Variants in ISG20 observed in about 807,000 individuals in gnomAD.
ISG20 encodes the protein interferon-stimulated gene 20 kDa protein.
ISG20 carries 8 observed loss-of-function variants against 11.1 expected under a neutral mutation model. That is an observed-to-expected ratio of 0.72 (90% CI 0.42 to 1.30). The LOEUF (loss-of-function observed/expected upper bound fraction) is 1.30. Ranked by LOEUF, ISG20 falls within the 50% of genes most tolerant of loss-of-function variation. The pLI is 0.01. For missense variants in ISG20, 243 were observed against 250.2 expected (o/e 0.97, Z 0.19); for synonymous variants, 110 against 101.7 (o/e 1.08, Z -0.49).
chr15:88,637,294 T>C (rs1288770503), upstream of ISG20: 2 of 150,862 alleles, frequency 1.3e-5, no homozygotes, highest in Admixed American at 6.6e-5. Context: ...GGTGGACTGA[T>C]GGAAGAGGGT....
At position 88,650,586 on chromosome 15, in the gene ISG20, G is replaced by A; in HGVS notation, c.229-1524G>A. ...TTTCGCTCGGCCACCTGCAGTTTGG[G>A]CAGGTGCTCTGCAGCAGGACAGGCC... On this transcript the variant is annotated intron_variant, in intron 2 of 3. Coordinates refer to ENST00000306072, the MANE Select transcript of ISG20 (RefSeq NM_002201.6). This position sits in a 1 kb window ranked among gnomAD's most constrained non-coding sequence, Gnocchi z 4.0. 1 of 681,684 alleles carries A rather than the reference G, an allele frequency of 1.5e-6. No individual in the cohort carries two copies. Among genetic ancestry groups the A allele is most frequent in the Non-Finnish European group, 2.2e-6 (1 of 464,098 alleles). 42.2% of individuals were successfully genotyped at this position (681,684 alleles called of 1,614,324 possible).
At chr15:88,644,464 G>A (rs748392343) in intron 2 of ISG20, among the ~76,000 whole-genome samples, 52 of 151,286 alleles carry the variant, frequency 3.4e-4, no homozygotes, top group Admixed American at 1.6e-3. Context: ...CCCGGGAGGC[G>A]GAGGTTGCTG....
At chr15:88,642,582 A>C (rs946590487) in intron 2 of ISG20, among the ~76,000 whole-genome samples, 1 of 152,084 alleles carries the variant, frequency 6.6e-6, no homozygotes, top group Non-Finnish European at 1.5e-5. Context: ...GCTGGTTTGA[A>C]CTGAGATGTG....
rs777388209 is a variant in ISG20 at position 88,639,530 on chromosome 15, G to A, written c.164G>A (p.Arg55Gln). 2.9e-5 allele frequency: 47 copies of A among 1,614,044 alleles called. No individual in the cohort carries two copies. In the Admixed American group the frequency reaches 3.3e-4, roughly 11 times the overall value. ...GGAGAGATCACCGATTACAGAACCCGGGTCAGCGGGGTCACCCCTCAGCAC... is the reference window on the plus strand; with the variant it reads ...GGAGAGATCACCGATTACAGAACCCAGGTCAGCGGGGTCACCCCTCAGCAC... ...PEGEITDYRT[R>Q]VSGVTPQHMV... The change falls in exon 2 of 4, where the codon CGG (arginine) becomes CAG (glutamine). Residue 55 changes from arginine to glutamine, a missense_variant. Coordinates refer to ENST00000306072, the MANE Select transcript of ISG20 (RefSeq NM_002201.6). This position sits in a 1 kb window ranked among gnomAD's most constrained non-coding sequence, Gnocchi z 4.2.
At chr15:88,638,171 G>C (rs1189632990), upstream of ISG20, among the ~76,000 whole-genome samples, 2 of 152,206 alleles carry the variant, frequency 1.3e-5, no homozygotes, top group African/African-American at 2.4e-5. Flanking sequence ...CACAGATCTG[G>C]GGTAGGAGGC....
Position 88,650,431 on chromosome 15 carries a change from G to A in ISG20, c.229-1679G>A. 1 of 1,484,908 alleles carries A rather than the reference G, an allele frequency of 6.7e-7. No individual in the cohort carries two copies. The highest frequency in any genetic ancestry group is 2.5e-5 in the East Asian group (1 of 40,236). 92.0% of individuals were successfully genotyped at this position (1,484,908 alleles called of 1,614,324 possible). Reference sequence around the variant, plus strand: ...TGGCTCAGTGTGGCAGTGGCAGGCGGGCTCTGGATTCATCCCACTGGCTTC... The same window carrying A: ...TGGCTCAGTGTGGCAGTGGCAGGCGAGCTCTGGATTCATCCCACTGGCTTC... On this transcript the variant is annotated intron_variant, in intron 2 of 3. Coordinates refer to ENST00000306072, the MANE Select transcript of ISG20 (RefSeq NM_002201.6). The surrounding 1 kb of genome is among the most constrained non-coding windows in gnomAD (Gnocchi z 4.0).
intron 3 of ISG20, among the ~76,000 whole-genome samples, chr15:88,655,113 C>T (rs2058352890): frequency 6.6e-6 from 1 of 152,284 alleles, no homozygotes; most frequent in African/African-American, 2.4e-5. Flanking sequence ...GCTGCAGCCA[C>T]TGCGTGTGTC....
rs911629052 is a variant in ISG20, at chr15:88,639,665, G to A, written c.228+71G>A. 2 of 1,253,084 alleles carry A rather than the reference G, an allele frequency of 1.6e-6. No homozygotes were observed. Among genetic ancestry groups the A allele is most frequent in the African/African-American group, 2.9e-5 (2 of 67,878 alleles). 77.6% of individuals were successfully genotyped at this position (1,253,084 alleles called of 1,614,324 possible). ...CCCACTTCCCTGGCCCCTCTTCCCT[G>A]GTGCCCATCTGTGACCTGTGACCCC... On this transcript the variant is annotated intron_variant, in intron 2 of 3. Transcript: ENST00000306072. The surrounding 1 kb of genome is among the most constrained non-coding windows in gnomAD (Gnocchi z 4.2).
chr15:88,651,136 G>A, intron 2 of ISG20: 1 of 919,638 alleles, frequency 1.1e-6, no homozygotes, highest in Non-Finnish European at 1.3e-6. Context: ...CATATGCAAT[G>A]GGAGGGGAGT....
intron 2 of ISG20, among the ~76,000 whole-genome samples, chr15:88,641,219 C>T (rs1007966291): frequency 1.3e-5 from 2 of 152,032 alleles, no homozygotes; most frequent in South Asian, 2.1e-4. Flanking sequence ...TGGTCTCGCT[C>T]GAACTCCTGA....
chr15:88,639,487 A>G lies in ISG20; in HGVS notation c.121A>G (p.Lys41Glu). Reference protein sequence around the residue: ...VNVHGAVLYDKFIRPEGEITD... With the variant: ...VNVHGAVLYDEFIRPEGEITD... ...CGTCCACGGTGCTGTGCTGTACGAC[A>G]AGTTCATCCGGCCTGAGGGAGAGAT... The change falls in exon 2 of 4, where the codon AAG becomes GAG. Residue 41 changes from lysine (K) to glutamate (E), a missense_variant. Lys to Glu is a moderately conservative substitution (Grantham distance 56). Transcript: ENST00000306072. The surrounding 1 kb of genome is among the most constrained non-coding windows in gnomAD (Gnocchi z 4.2). 1 of 1,614,112 alleles carries G rather than the reference A, an allele frequency of 6.2e-7. No individual in the cohort carries two copies. Among genetic ancestry groups the G allele is most frequent in the East Asian group, 2.2e-5 (1 of 44,868 alleles).
At chr15:88,638,847 G>GC (rs2058027818), upstream of ISG20, 2 of 165,384 alleles carry the variant, frequency 1.2e-5, no homozygotes, top group South Asian at 1.3e-4. Flanking sequence ...CCCTGACTCG[G>GC]CCCGGAGCTG....
chr15:88,644,532 C>CG (rs1567116580), intron 2 of ISG20, among the ~76,000 whole-genome samples: 2 of 89,160 alleles, frequency 2.2e-5, no homozygotes, highest in Non-Finnish European at 4.4e-5. Flanking sequence ...ACTTAGTCTC[C>CG]AAAAAAAAAA....
upstream of ISG20, among the ~76,000 whole-genome samples, chr15:88,635,828 A>G (rs2057976891): frequency 6.6e-6 from 1 of 152,128 alleles, no homozygotes; most frequent in Non-Finnish European, 1.5e-5. Flanking sequence ...AATTTCTTTG[A>G]TATTTCTAGG....
rs1377298646 is a variant in ISG20, at chr15:88,639,459, G to A, written c.93G>A (p.Val31=). ...GTGGCCTGGCTCGTTGCAGCCTCGT[G>A]AACGTCCACGGTGCTGTGCTGTACG... is the stretch of plus-strand genomic sequence containing the variant. ...RESGLARCSL[V]NVHGAVLYDK... The change falls in exon 2 of 4, where the codon GTG becomes GTA. Residue 31 remains valine (V), a synonymous_variant. Coordinates refer to ENST00000306072, the MANE Select transcript of ISG20 (RefSeq NM_002201.6). This position sits in a 1 kb window ranked among gnomAD's most constrained non-coding sequence, Gnocchi z 4.2. 2 of 1,614,070 alleles carry A rather than the reference G, an allele frequency of 1.2e-6. No homozygotes were observed. The highest frequency in any genetic ancestry group is 2.7e-5 in the African/African-American group (2 of 74,938).
chr15:88,640,389 A>G (rs867263746), intron 2 of ISG20, among the ~76,000 whole-genome samples: 1 of 152,118 alleles, frequency 6.6e-6, no homozygotes, highest in Non-Finnish European at 1.5e-5. Context: ...AGCACTCACT[A>G]TGCACTGGCC....
At chr15:88,636,441 C>T (rs759251435), upstream of ISG20, 15 of 152,150 alleles carry the variant, frequency 9.9e-5, no homozygotes, top group Non-Finnish European at 2.1e-4. Flanking sequence ...TGCTGGGGCC[C>T]CAGTTTTGAA....
chr15:88,650,418 G>T lies in ISG20; in HGVS notation c.229-1692G>T. On this transcript the variant is annotated intron_variant, in intron 2 of 3. Coordinates refer to ENST00000306072, the MANE Select transcript of ISG20 (RefSeq NM_002201.6). The surrounding 1 kb of genome is among the most constrained non-coding windows in gnomAD (Gnocchi z 4.0). ...TCGTTCACTCTTCTGGCTCAGTGTGGCAGTGGCAGGCGGGCTCTGGATTCA... is the reference window on the plus strand; with the variant it reads ...TCGTTCACTCTTCTGGCTCAGTGTGTCAGTGGCAGGCGGGCTCTGGATTCA... The T allele has an allele frequency of 6.7e-7, 1 of 1,500,192 alleles. No homozygotes were observed. The highest frequency in any genetic ancestry group is 8.9e-7 in the Non-Finnish European group (1 of 1,128,076). The allele number at this position is 1,500,192 out of a possible 1,614,324, so 92.9% of individuals were successfully genotyped here.
intron 3 of ISG20, among the ~76,000 whole-genome samples, chr15:88,654,529 C>A (rs962235360): frequency 6.6e-6 from 1 of 152,140 alleles, no homozygotes; most frequent in African/African-American, 2.4e-5. Context: ...GGTCCAACAG[C>A]CCGCTGGCTC....
Sources: allele counts gnomAD v4.1 joint callset (sites outside exome capture counted in the v4.1 genomes callset), GRCh38; gene constraint gnomAD v4.1.1; non-coding constraint Gnocchi (gnomAD v3.1); transcripts MANE v1.5; gene names NCBI Gene and HGNC (gene_info 2026-07-23, HGNC 2026-07-21).